Variants in PCDH9 observed in about 807,000 individuals in gnomAD.
PCDH9 encodes protocadherin-9.
PCDH9 carries 24 observed loss-of-function variants against 70.6 expected under a neutral mutation model. That is an observed-to-expected ratio of 0.34 (90% CI 0.25 to 0.48). The LOEUF (loss-of-function observed/expected upper bound fraction) is 0.48, where lower values mean the gene tolerates loss of function less well. PCDH9 is among the 20% of genes least tolerant of loss of function. The probability of loss-of-function intolerance (pLI) is 0.99; values close to 1 mark genes in which losing one functional copy is unlikely to be tolerated. For missense variants in PCDH9, 1,281 were observed against 1,503.6 expected (o/e 0.85, Z 2.45); for synonymous variants, 562 against 558.5 (o/e 1.01, Z -0.09).
chr13:66,600,801 G>T (rs2077157284), intron 4 of PCDH9, among the ~76,000 whole-genome samples: 1 of 127,700 alleles, frequency 7.8e-6, no homozygotes, highest in African/African-American at 2.9e-5. Context: ...TGTGTGTAAG[G>T]GAGTTAATTT....
intron 2 of PCDH9, among the ~76,000 whole-genome samples, chr13:66,905,831 G>A (rs1005830602): frequency 6.6e-6 from 1 of 152,142 alleles, no homozygotes; most frequent in Non-Finnish European, 1.5e-5. Context: ...GGAAGACACA[G>A]GTTCAGGTAT....
chr13:67,025,581 T>C (rs2084763381), intron 2 of PCDH9, among the ~76,000 whole-genome samples: 2 of 152,130 alleles, frequency 1.3e-5, no homozygotes, highest in Admixed American at 6.6e-5. Context: ...TTTACACAAC[T>C]TGCATTTGTT....
At chr13:67,110,513 T>C (rs1364112519) in intron 2 of PCDH9, among the ~76,000 whole-genome samples, 3 of 28,940 alleles carry the variant, frequency 1.0e-4, no homozygotes, top group East Asian at 8.0e-4. Flanking sequence ...CCACTCCATC[T>C]CAAAAAAAAA....
rs548255280 is a variant in PCDH9, at chr13:66,486,098, T to C, written c.3340+145112A>G. Reference sequence around the variant, plus strand: ...TACAATATGCATGATACAAGTCAAGTCTAGTTTTTCAATAATATCAAAGTT... The same window carrying C: ...TACAATATGCATGATACAAGTCAAGCCTAGTTTTTCAATAATATCAAAGTT... On this transcript the variant is annotated intron_variant, in intron 4 of 4. Transcript: ENST00000377865. Among the ~76,000 whole-genome samples the C allele has an allele frequency of 2.6e-5, 4 of 152,228 alleles. No individual in the cohort carries two copies. In the East Asian group the frequency reaches 5.8e-4, roughly 22 times the overall value.
intron 4 of PCDH9, among the ~76,000 whole-genome samples, chr13:66,592,127 C>T (rs991050704): frequency 6.6e-6 from 1 of 151,560 alleles, no homozygotes; most frequent in Admixed American, 6.6e-5. Flanking sequence ...AAGATAGAGG[C>T]CTTTTTTATA....
At chr13:67,132,044 G>T (rs2087123624) in intron 2 of PCDH9, among the ~76,000 whole-genome samples, 1 of 152,074 alleles carries the variant, frequency 6.6e-6, no homozygotes, top group Non-Finnish European at 1.5e-5. Context: ...GGAAGCAAAT[G>T]GTTTCCATTC....
chr13:67,182,913 T>A (rs2088655735), intron 2 of PCDH9, among the ~76,000 whole-genome samples: 1 of 152,102 alleles, frequency 6.6e-6, no homozygotes, highest in African/African-American at 2.4e-5. Context: ...AGGATCTAAA[T>A]TCTAAAATTA....
rs77740604 is a variant in PCDH9, at chr13:66,330,450, T to C, written c.3341-25422A>G. ...ACTTGCCCATGCTGCATATTTACCA[T>C]GTTTCAGACTCTTATTCTTTCTGCC... On this transcript the variant is annotated intron_variant, in intron 4 of 4. Transcript: ENST00000377865. Among the ~76,000 whole-genome samples the C allele has an allele frequency of 2.4e-4, 36 of 152,304 alleles. 1 individual carries two copies. In the East Asian group the frequency reaches 6.4e-3, roughly 27 times the overall value.
In PCDH9 at chr13:66,491,482, G is replaced by T. The variant is rs78197132; in HGVS notation, c.3340+139728C>A. On this transcript the variant is annotated intron_variant, in intron 4 of 4. Transcript: ENST00000377865. ...GGAACTACAGTACTGTGATCAGCGA[G>T]GAATGTAAATATCCCATATTAGAGC... is the stretch of plus-strand genomic sequence containing the variant. Among the ~76,000 whole-genome samples the T allele has an allele frequency of 9.3e-4, 141 of 151,578 alleles. 2 individuals are homozygous for T. The East Asian group carries it at 0.023, about 25-fold the overall frequency.
intron 4 of PCDH9, among the ~76,000 whole-genome samples, chr13:66,482,314 G>A (rs1235411114): frequency 3.9e-5 from 6 of 152,004 alleles, no homozygotes; most frequent in Non-Finnish European, 7.4e-5. Flanking sequence ...TGTCATTTCC[G>A]TCTCCCAATG....
chr13:66,475,623 A>T (rs1295212615), intron 4 of PCDH9, among the ~76,000 whole-genome samples: 1 of 151,986 alleles, frequency 6.6e-6, no homozygotes, highest in Non-Finnish European at 1.5e-5. Context: ...CTATGCCCAC[A>T]CAAAGTAGAG....
intron 3 of PCDH9, among the ~76,000 whole-genome samples, chr13:66,708,351 A>T (rs2078744105): frequency 6.6e-6 from 1 of 151,368 alleles, no homozygotes; most frequent in Admixed American, 6.6e-5. Flanking sequence ...GCCCGGCCCC[A>T]GATAACACTT....
At chr13:67,100,712 C>A (rs1380240176) in intron 2 of PCDH9, among the ~76,000 whole-genome samples, 3 of 152,142 alleles carry the variant, frequency 2.0e-5, no homozygotes, top group Non-Finnish European at 4.4e-5. Flanking sequence ...CCCTCTTTGG[C>A]TTATCATCTT....
At chr13:66,343,065 A>G (rs1324332137) in intron 4 of PCDH9, among the ~76,000 whole-genome samples, 1 of 152,036 alleles carries the variant, frequency 6.6e-6, no homozygotes, top group Non-Finnish European at 1.5e-5. Context: ...ACCCACAACA[A>G]CTTCACTGGT....
intron 4 of PCDH9, among the ~76,000 whole-genome samples, chr13:66,329,048 TTTAAG>T (rs1452449370): frequency 1.3e-5 from 2 of 152,206 alleles, no homozygotes; most frequent in South Asian, 4.1e-4. Context: ...GTATTTACAC[TTTAAG>T]TTAAATGCTG....
chr13:66,344,806 C>T (rs915500384), intron 4 of PCDH9, among the ~76,000 whole-genome samples: 27 of 152,260 alleles, frequency 1.8e-4, no homozygotes, highest in African/African-American at 5.8e-4. Context: ...TCTGTAAATA[C>T]GGTGCAGCTT....
intron 2 of PCDH9, among the ~76,000 whole-genome samples, chr13:67,193,274 G>A (rs1233814183): frequency 6.6e-6 from 1 of 151,412 alleles, no homozygotes; most frequent in African/African-American, 2.4e-5. Context: ...TTTCCTTGAA[G>A]GTTTAGTTCT....
chr13:66,718,159 C>T (rs112336907), intron 3 of PCDH9, among the ~76,000 whole-genome samples: 5 of 152,026 alleles, frequency 3.3e-5, no homozygotes, highest in African/African-American at 1.2e-4. Flanking sequence ...ATTTTAATTG[C>T]TAAATTGGGG....
At chr13:66,442,396 G>A (rs1957990967) in intron 4 of PCDH9, among the ~76,000 whole-genome samples, 1 of 152,016 alleles carries the variant, frequency 6.6e-6, no homozygotes, top group Non-Finnish European at 1.5e-5. Context: ...TCTAAACAAA[G>A]GTTATGGTTA....
Sources: gnomAD v4.1 joint callset for allele counts (sites outside exome capture counted in the v4.1 genomes callset) on GRCh38, gnomAD v4.1.1 for gene constraint, MANE v1.5 for transcripts, NCBI Gene and HGNC (gene_info 2026-07-23, HGNC 2026-07-21) for gene names.